TTN: variants seen among roughly 807,000 people sequenced by gnomAD.
TTN encodes the protein titin, also known as connectin.
TTN carries 1,525 observed loss-of-function variants against 3,223.0 expected under a neutral mutation model. The observed-to-expected ratio is 0.47, with a 90% CI of 0.45 to 0.49. The LOEUF (loss-of-function observed/expected upper bound fraction) is 0.49. TTN is among the 20% of genes least tolerant of loss of function. The pLI, the probability that TTN is intolerant of heterozygous loss-of-function variation, is 0.00. For synonymous variants in TTN, 14,094 were observed against 15,161.0 expected (o/e 0.93, Z 5.17); for missense variants, 40,786 against 43,424.0 (o/e 0.94, Z 5.40).
At position 178,557,696 on chromosome 2, in the gene TTN, T is replaced by C. The variant is rs1553554246; in HGVS notation, c.87658A>G (p.Ile29220Val). The C allele has an allele frequency of 1.2e-6, 2 of 1,614,016 alleles. No homozygotes were observed. Among genetic ancestry groups the C allele is most frequent in the Non-Finnish European group, 8.5e-7 (1 of 1,179,866 alleles). The change falls in exon 328 of 363, where the codon ATC becomes GTC. Residue 29220 changes from isoleucine to valine, a missense_variant. Transcript: ENST00000589042. ...CAAGCTGAATCTATATGATCACTGA[T>C]GCCAAAGCGGTTTTCTGCCTTGATG... is the stretch of plus-strand genomic sequence containing the variant. Reference protein sequence around the residue: ...FRIKAENRFGISDHIDSACVT... With the variant: ...FRIKAENRFGVSDHIDSACVT...
In TTN at chr2:178,557,384, C is replaced by T. The variant is rs202001776; in HGVS notation, c.87878G>A (p.Arg29293His). 63 of 1,613,796 alleles carry T rather than the reference C, an allele frequency of 3.9e-5. 1 individual carries two copies. Among genetic ancestry groups the T allele is most frequent in the African/African-American group, 3.6e-4 (27 of 74,926 alleles). Residue 29293 changes from arginine to histidine, a missense_variant, in exon 329 of 363, where the codon CGC (arginine) becomes CAC (histidine). Physicochemically the swap from Arg to His is conservative, Grantham distance 29 (BLOSUM62 0). Transcript: ENST00000589042. Reference sequence around the variant, plus strand: ...TGTTGTGACTTTGAAGTGAGTTGTGCGGATGACCAGTTTGTTGGCTTTTTG... The same window carrying T: ...TGTTGTGACTTTGAAGTGAGTTGTGTGGATGACCAGTTTGTTGGCTTTTTG... ...LWQKANKLVI[R>H]TTHFKVTTIS...
rs774228049 is a variant in TTN, at chr2:178,736,038, G to A, written c.14408C>T (p.Ser4803Phe). 1.0e-5 allele frequency: 16 copies of A among 1,606,374 alleles called. No homozygotes were observed. The highest frequency in any genetic ancestry group is 1.4e-5 in the Non-Finnish European group (16 of 1,175,738). ...YPPTFLSRPK[S>F]LTTFVGKAAK... ...TGCCTTACCCACAAAAGTTGTAAGGGACTTAGGTCTGGAGAGAAAGGTTGG... is the reference window on the plus strand; with the variant it reads ...TGCCTTACCCACAAAAGTTGTAAGGAACTTAGGTCTGGAGAGAAAGGTTGG... The change falls in exon 50 of 363, where the codon TCC becomes TTC. Residue 4803 changes from serine (S) to phenylalanine (F), a missense_variant. Physicochemically the swap from Ser to Phe is radical, Grantham distance 155. Coordinates refer to ENST00000589042, the MANE Select transcript of TTN (RefSeq NM_001267550.2).
chr2:178,605,742 A>G (rs768613646), intron 278 of TTN, 29 bp from the exon 279 acceptor site: 2 of 1,438,352 alleles, frequency 1.4e-6, no homozygotes, highest in South Asian at 3.5e-5. Context: ...GAAAATGATT[A>G]GCATGAGATA....
In TTN at chr2:178,704,974, G is replaced by T. The variant is rs1178125174; in HGVS notation, c.29605-8C>A. On this transcript the variant is annotated splice_polypyrimidine_tract_variant and splice_region_variant and intron_variant, in intron 103 of 362. Transcript: ENST00000589042. ...CTCTATTTCCTCAATTTCCTGAGAA[G>T]AACAAAAATGATAGGCATTACAGAT... 1.2e-6 allele frequency: 2 copies of T among 1,610,788 alleles called. No homozygotes were observed. The highest frequency in any genetic ancestry group is 3.3e-5 in the Admixed American group (2 of 59,760).
chr2:178,692,610 AGT>A (rs1470931817), intron 119 of TTN, 30 bp from the exon 120 acceptor site: 8 of 1,474,958 alleles, frequency 5.4e-6, no homozygotes, highest in Non-Finnish European at 7.2e-6. Flanking sequence ...TTTTTGAGAA[AGT>A]GTGCATTTGA....
At position 178,553,959 on chromosome 2, in the gene TTN, G is replaced by A. The variant is rs765594600; in HGVS notation, c.89152C>T (p.Pro29718Ser). The A allele has an allele frequency of 6.2e-7, 1 of 1,609,084 alleles. No individual in the cohort carries two copies. The highest frequency in any genetic ancestry group is 8.5e-7 in the Non-Finnish European group (1 of 1,178,916). ...VCAVNAAGQG[P>S]FSEPSEFYKA... The stretch of plus-strand genomic sequence containing the variant: ...TAGAATTCAGATGGTTCAGAAAATG[G>A]ACCCTGTCCAGCAGCGTTTACAGCA... Residue 29718 changes from proline to serine, a missense_variant, in exon 333 of 363, where the codon CCA becomes TCA. Physicochemically the swap from Pro to Ser is moderately conservative, Grantham distance 74. Coordinates refer to ENST00000589042, the MANE Select transcript of TTN (RefSeq NM_001267550.2).
chr2:178,683,886 T>C, intron 133 of TTN, 113 bp downstream of exon 133: 1 of 698,334 alleles, frequency 1.4e-6, no homozygotes, highest in Non-Finnish European at 2.2e-6. Flanking sequence ...CAAACTTATA[T>C]TGCTTACTTT....
intron 133 of TTN, among the ~76,000 whole-genome samples, 171 bp from the exon 134 acceptor site, chr2:178,683,462 T>C (rs1399134379): frequency 6.6e-6 from 1 of 152,016 alleles, no homozygotes; most frequent in Non-Finnish European, 1.5e-5. Context: ...TACTCTAATA[T>C]ACATATGAAG....
chr2:178,550,713 A>T (rs1699095673), intron 336 of TTN: 1 of 499,600 alleles, frequency 2.0e-6, no homozygotes, highest in Non-Finnish European at 3.5e-6. Context: ...TAAGTGGCGA[A>T]AATTACAAAG....
rs879097606 is a variant in TTN at position 178,546,089 on chromosome 2, G to T, written c.95147C>A (p.Thr31716Asn). The T allele has an allele frequency of 6.2e-7, 1 of 1,610,816 alleles. No homozygotes were observed. Among genetic ancestry groups the T allele is most frequent in the Non-Finnish European group, 8.5e-7 (1 of 1,177,754 alleles). The change falls in exon 343 of 363, where the codon ACC (threonine) becomes AAC (asparagine). Residue 31716 changes from threonine to asparagine, a missense_variant. Coordinates refer to ENST00000589042, the MANE Select transcript of TTN (RefSeq NM_001267550.2). ...CTTCTCCTGTGTTACTCTGCTGACG[G>T]TGAGCTTTCCACATGGGCCAGGGGA... ...LDSPGPCGKLTVSRVTQEKCT... is the reference protein window; with the variant it reads ...LDSPGPCGKLNVSRVTQEKCT...
At position 178,695,375 on chromosome 2, in the gene TTN, C is replaced by T. The variant is rs756810202; in HGVS notation, c.31243G>A (p.Glu10415Lys). The change falls in exon 115 of 363, where the codon GAA becomes AAA. Residue 10415 changes from glutamate (E) to lysine (K), a missense_variant. Coordinates refer to ENST00000589042, the MANE Select transcript of TTN (RefSeq NM_001267550.2). ...HERKVPAKVP[E>K]KKAPPPPKVI... ...TTAGGAGGTGGTGGTGCTTTCTTTT[C>T]AGGTACTTTGGCTGGAACTTTTCTC... 1.6e-5 allele frequency: 25 copies of T among 1,612,094 alleles called. 1 individual carries two copies. The South Asian group carries it at 2.4e-4, about 16-fold the overall frequency.
In TTN at chr2:178,534,518, T is replaced by TATA. The variant is rs763311506; in HGVS notation, c.102094_102096dup (p.Tyr34032dup). On this transcript the variant is annotated inframe_insertion, in exon 358 of 363. Coordinates refer to ENST00000589042, the MANE Select transcript of TTN (RefSeq NM_001267550.2). ...TCTTTGAATGCTTCCTCATCGAAAG[T>TATA]ATATTCAGCATTCATGATATTCTCA... 100 of 1,613,748 alleles carry TATA rather than the reference T, an allele frequency of 6.2e-5. No homozygotes were observed. Among genetic ancestry groups the TATA allele is most frequent in the Non-Finnish European group, 8.3e-5 (98 of 1,179,806 alleles).
At chr2:178,785,516 C>T (rs2093109862) in intron 15 of TTN, 104 bp downstream of exon 15, 4 of 1,541,304 alleles carry the variant, frequency 2.6e-6, no homozygotes, top group South Asian at 2.3e-5. Flanking sequence ...ACACACATCA[C>T]CAAAAAAGAA....
At chr2:178,709,062 CT>C (rs2076279261) in intron 99 of TTN, among the ~76,000 whole-genome samples, 2 of 152,108 alleles carry the variant, frequency 1.3e-5, no homozygotes. Flanking sequence ...AAATGTTACC[CT>C]TTTGTCTGGG....
Position 178,530,450 on chromosome 2 carries a change from T to C in TTN, c.106165A>G (p.Ile35389Val). 1 of 1,614,036 alleles carries C rather than the reference T, an allele frequency of 6.2e-7. No individual in the cohort carries two copies. The highest frequency in any genetic ancestry group is 8.5e-7 in the Non-Finnish European group (1 of 1,179,888). The change falls in exon 358 of 363, where the codon ATA becomes GTA. Residue 35389 changes from isoleucine (I) to valine (V), a missense_variant. Physicochemically the swap from Ile to Val is conservative, Grantham distance 29. Transcript: ENST00000589042. ...FKSIHEKVSK[I>V]SETKKSDQKT... Reference sequence around the variant, plus strand: ...TGATCTGATTTCTTAGTTTCTGATATTTTTGATACCTTCTCATGGATACTC... The same window carrying C: ...TGATCTGATTTCTTAGTTTCTGATACTTTTGATACCTTCTCATGGATACTC...
At chr2:178,781,836 A>G (rs2092787016) in intron 20 of TTN, among the ~76,000 whole-genome samples, 1 of 152,012 alleles carries the variant, frequency 6.6e-6, no homozygotes, top group Non-Finnish European at 1.5e-5. Flanking sequence ...TTACATGGCT[A>G]TTCTTCTATC....
In TTN at chr2:178,718,678, TG is replaced by T; in HGVS notation, c.24505+16del. 1 of 1,611,362 alleles carries T rather than the reference TG, an allele frequency of 6.2e-7. No homozygotes were observed. The highest frequency in any genetic ancestry group is 8.5e-7 in the Non-Finnish European group (1 of 1,178,328). ...GAGAAATTTTAAAAGATGTATATATTGGGGGAAAGAGCAAACCTTTCACAAA... is the reference window on the plus strand; with the variant it reads ...GAGAAATTTTAAAAGATGTATATATTGGGGAAAGAGCAAACCTTTCACAAA... On this transcript the variant is annotated intron_variant, in intron 84 of 362. Transcript: ENST00000589042.
chr2:178,550,066 C>T lies in TTN; in HGVS notation c.91772G>A (p.Arg30591Gln), dbSNP rs752576185. The change falls in exon 337 of 363, where the codon CGG (arginine) becomes CAG (glutamine). Residue 30591 changes from arginine to glutamine, a missense_variant. Physicochemically the swap from Arg to Gln is conservative, Grantham distance 43. Transcript: ENST00000589042. ...CACTGTGTATACACCACGATGGTCC[C>T]GAGTAGCATCTCTAACAAATAGGCT... The part of the protein sequence containing the change: ...STSLFVRDAT[R>Q]DHRGVYTVEA... The T allele has an allele frequency of 3.8e-5, 61 of 1,613,642 alleles. No individual in the cohort carries two copies. The highest frequency in any genetic ancestry group is 1.6e-4 in the Middle Eastern group (1 of 6,080).
Position 178,535,126 on chromosome 2 carries a change from A to T in TTN, c.101489T>A (p.Phe33830Tyr). 6.2e-7 allele frequency: 1 copy of T among 1,613,846 alleles called. No individual in the cohort carries two copies. The highest frequency in any genetic ancestry group is 8.5e-7 in the Non-Finnish European group (1 of 1,179,846). Residue 33830 changes from phenylalanine (F) to tyrosine (Y), a missense_variant, in exon 358 of 363, where the codon TTT becomes TAT. By Grantham distance (22) the Phe-to-Tyr change is conservative. Transcript: ENST00000589042. ...MIAEDLGRGE[F>Y]GIVHRCVETS... ...TTCAACACAACGATGGACAATTCCAAACTCACCACGCCCAAGATCTTCAGC... is the reference window on the plus strand; with the variant it reads ...TTCAACACAACGATGGACAATTCCATACTCACCACGCCCAAGATCTTCAGC...
Sources: allele counts gnomAD v4.1 joint callset (sites outside exome capture counted in the v4.1 genomes callset), GRCh38; gene constraint gnomAD v4.1.1; transcripts MANE v1.5; gene names NCBI Gene and HGNC (gene_info 2026-07-23, HGNC 2026-07-21).